The following TXNDC8 variants were observed in gnomAD, a reference collection of about 807,000 sequenced individuals.
TXNDC8 encodes thioredoxin domain containing 8, also known as thioredoxin domain-containing protein 8.
In TXNDC8, 15 loss-of-function variants were observed where a neutral mutation model predicts 12.9. The observed-to-expected ratio is 1.16, with a 90% CI of 0.78 to 1.79. The LOEUF (loss-of-function observed/expected upper bound fraction) is 1.79. Among genes scored for constraint, TXNDC8 ranks in the 40% most tolerant of loss-of-function variants. The pLI is 0.00. For missense variants in TXNDC8, 128 were observed against 113.2 expected, an observed-to-expected ratio of 1.13 and a Z score of -0.59; for synonymous variants, 40 against 35.4, an observed-to-expected ratio of 1.13 and a Z score of -0.46.
chr9:110,313,840 G>T (rs796912330), intron 3 of TXNDC8, among the ~76,000 whole-genome samples: 12 of 152,198 alleles, frequency 7.9e-5, no homozygotes, highest in African/African-American at 2.6e-4. Flanking sequence ...GGCTTCACAA[G>T]CTGCTAAAAA....
chr9:110,325,540 G>T lies in TXNDC8; in HGVS notation c.195+635C>A, dbSNP rs187897632. On this transcript the variant is annotated intron_variant, in intron 3 of 4. Transcript: ENST00000423740. ...TTTTTTTTTTTTTTTTTTTTGAGAC[G>T]GAGTCTCACTCTGTCGCCCAGGCTG... Among the ~76,000 whole-genome samples, 713 of 140,346 alleles carry T rather than the reference G, an allele frequency of 5.1e-3. 9 individuals carry two copies. Among genetic ancestry groups the T allele is most frequent in the African/African-American group, 0.018 (675 of 37,076 alleles). The allele number at this position is 140,346 out of a possible 152,430, so 92.1% of individuals were successfully genotyped here. A position where few individuals can be genotyped will look rare whatever the true frequency, so the allele number is the denominator to read the frequency against.
chr9:110,313,600 C>T (rs1838770356), intron 3 of TXNDC8, among the ~76,000 whole-genome samples: 1 of 152,176 alleles, frequency 6.6e-6, no homozygotes, highest in Admixed American at 6.5e-5. Flanking sequence ...ACTTGGGAGG[C>T]TGAGGCAGGA....
intron 3 of TXNDC8, among the ~76,000 whole-genome samples, chr9:110,314,724 G>A (rs1248469085): frequency 6.6e-6 from 1 of 152,024 alleles, no homozygotes; most frequent in Non-Finnish European, 1.5e-5. Context: ...GAGCCACCGC[G>A]CCCGGCCAGC....
At chr9:110,309,412 T>C (rs1206034849) in intron 3 of TXNDC8, among the ~76,000 whole-genome samples, 2 of 152,212 alleles carry the variant, frequency 1.3e-5, no homozygotes, top group Admixed American at 6.5e-5. Context: ...CTCAGCTCAC[T>C]GCAACCTCTG....
intron 3 of TXNDC8, among the ~76,000 whole-genome samples, chr9:110,322,004 G>C (rs75197547): frequency 6.6e-6 from 1 of 152,086 alleles, no homozygotes; most frequent in African/African-American, 2.4e-5. Flanking sequence ...CCTCCTTTTT[G>C]TATCTTTTGC....
intron 3 of TXNDC8, among the ~76,000 whole-genome samples, chr9:110,309,286 C>T (rs893781480): frequency 2.0e-5 from 3 of 152,050 alleles, no homozygotes; most frequent in African/African-American, 7.2e-5. Context: ...TTGACCCCCC[C>T]ACAATATGCA....
chr9:110,310,748 G>A (rs1838635525), intron 3 of TXNDC8, among the ~76,000 whole-genome samples: 1 of 152,134 alleles, frequency 6.6e-6, no homozygotes, highest in Non-Finnish European at 1.5e-5. Context: ...CTTAAGAATT[G>A]CCAGCATACA....
chr9:110,307,830 A>T (rs962967455), intron 3 of TXNDC8, among the ~76,000 whole-genome samples: 3 of 152,214 alleles, frequency 2.0e-5, no homozygotes, highest in Non-Finnish European at 4.4e-5. Flanking sequence ...AGTGTTCATC[A>T]TATATGTTGA....
chr9:110,320,429 C>CA, intron 3 of TXNDC8, among the ~76,000 whole-genome samples: 1 of 152,296 alleles, frequency 6.6e-6, no homozygotes, highest in South Asian at 2.1e-4. Context: ...CTTTGCCTTC[C>CA]ACCATGATTT....
intron 3 of TXNDC8, among the ~76,000 whole-genome samples, chr9:110,325,582 G>A (rs1839280084): frequency 1.3e-5 from 2 of 149,572 alleles, no homozygotes; most frequent in African/African-American, 5.0e-5. Flanking sequence ...GTGCAGTGGC[G>A]CGATCTTGGC....
At chr9:110,320,107 C>T (rs746285858) in intron 3 of TXNDC8, among the ~76,000 whole-genome samples, 20 of 152,270 alleles carry the variant, frequency 1.3e-4, no homozygotes, top group Non-Finnish European at 1.8e-4. Context: ...ATGGAGTCAA[C>T]TTTTGATGGT....
chr9:110,329,328 G>A, intron 2 of TXNDC8, 37 bp from the exon 3 acceptor site: 1 of 1,526,790 alleles, frequency 6.5e-7, no homozygotes, highest in Non-Finnish European at 9.0e-7. Context: ...CATTAGTTTG[G>A]TGTTAATATT....
At chr9:110,305,575 TTTCTTTC>T (rs1287755248) in intron 3 of TXNDC8, among the ~76,000 whole-genome samples, 11 of 140,632 alleles carry the variant, frequency 7.8e-5, no homozygotes, top group African/African-American at 3.0e-4. Context: ...TCTTTCTTTC[TTTCTTTC>T]TTTCTTTCTT....
chr9:110,328,803 T>TC (rs914591274), intron 2 of TXNDC8, among the ~76,000 whole-genome samples: 1 of 152,150 alleles, frequency 6.6e-6, no homozygotes. Flanking sequence ...TGAAACTCTG[T>TC]CCCCCACCCC....
intron 1 of TXNDC8, 34 bp downstream of exon 1, chr9:110,337,739 T>G (rs759819981): frequency 1.7e-5 from 28 of 1,609,456 alleles, no homozygotes; most frequent in Non-Finnish European, 2.3e-5. Flanking sequence ...ATGTCCACAT[T>G]TGAAATACTC....
At position 110,313,093 on chromosome 9, in the gene TXNDC8, A is replaced by G. The variant is rs1302296259; in HGVS notation, c.196-8561T>C. Among the ~76,000 whole-genome samples the G allele has an allele frequency of 2.6e-5, 4 of 152,066 alleles. 1 individual carries two copies. The highest frequency in any genetic ancestry group is 4.4e-5 in the Non-Finnish European group (3 of 68,020). ...GCTAATTTTTGTATTTTTAGTAGAGACAGGGTTTCAACATGTTGGCCAGGC... is the reference window on the plus strand; with the variant it reads ...GCTAATTTTTGTATTTTTAGTAGAGGCAGGGTTTCAACATGTTGGCCAGGC... On this transcript the variant is annotated intron_variant, in intron 3 of 4. Coordinates refer to ENST00000423740, the MANE Select transcript of TXNDC8 (RefSeq NM_001286946.2).
intron 3 of TXNDC8, among the ~76,000 whole-genome samples, chr9:110,305,590 CTTTCTTTCTTTCTT>C (rs1486355786): frequency 0.01 from 1,382 of 134,626 alleles, 37 homozygotes; most frequent in African/African-American, 0.042. Context: ...TTCTTTCTTT[CTTTCTTTCTTTCTT>C]TCTTTCTTTT....
chr9:110,318,359 C>T (rs1171204344), intron 3 of TXNDC8, among the ~76,000 whole-genome samples: 2 of 152,152 alleles, frequency 1.3e-5, no homozygotes, highest in African/African-American at 4.8e-5. Flanking sequence ...GTAAGTCCTT[C>T]TGGTGAATCA....
chr9:110,335,247 T>A (rs1023566039), intron 1 of TXNDC8, among the ~76,000 whole-genome samples: 5 of 152,172 alleles, frequency 3.3e-5, no homozygotes, highest in Middle Eastern at 3.2e-3. Context: ...AATTTAATTT[T>A]ATTTTTTGGT....
Sources: gnomAD v4.1 joint callset for allele counts (sites outside exome capture counted in the v4.1 genomes callset) on GRCh38, gnomAD v4.1.1 for gene constraint, MANE v1.5 for transcripts, NCBI Gene and HGNC (gene_info 2026-07-23, HGNC 2026-07-21) for gene names.